SPTBN2: variants seen among roughly 807,000 people sequenced by gnomAD.
The protein encoded by SPTBN2 is spectrin beta chain, non-erythrocytic 2.
SPTBN2 carries 107 observed loss-of-function variants against 284.2 expected under a neutral mutation model. The observed-to-expected ratio is 0.38, with a 90% confidence interval of 0.32 to 0.44. SPTBN2 has a LOEUF of 0.44. SPTBN2 is among the 20% of genes least tolerant of loss of function. The pLI is 1.00. For synonymous variants in SPTBN2, 1,289 were observed against 1,354.8 expected, an observed-to-expected ratio of 0.95 and a Z score of 1.07; for missense variants, 2,569 against 3,287.1, an observed-to-expected ratio of 0.78 and a Z score of 5.34.
Position 66,687,466 on chromosome 11 carries a change from T to A in SPTBN2, c.6683A>T (p.Lys2228Met). 1 of 1,609,726 alleles carries A rather than the reference T, an allele frequency of 6.2e-7. No homozygotes were observed. Residue 2228 changes from lysine (K) to methionine (M), a missense_variant, in exon 35 of 38, where the codon AAG (lysine) becomes ATG (methionine). Around this residue, in one of 6 missense-constraint regions of SPTBN2, gnomAD observed 1,130 missense variants for 1,317.3 expected, o/e 0.86. Coordinates refer to ENST00000533211, the MANE Select transcript of SPTBN2 (RefSeq NM_006946.4). The surrounding 1 kb of genome is among the most constrained non-coding windows in gnomAD (Gnocchi z 5.2). ...QEQMEGMLCR[K>M]QEMEAFGKKA... The stretch of plus-strand genomic sequence containing the variant: ...CTTCCCGAAGGCCTCCATCTCCTGC[T>A]TGCGGCACAGCATCCCCTCCATCTG...
chr11:66,707,924 GT>G lies in SPTBN2; in HGVS notation c.1351-107del. 6.9e-7 allele frequency: 1 copy of G among 1,459,012 alleles called. No homozygotes were observed. The highest frequency in any genetic ancestry group is 9.3e-7 in the Non-Finnish European group (1 of 1,075,008). 90.4% of individuals were successfully genotyped at this position (1,459,012 alleles called of 1,614,324 possible). A position where few individuals can be genotyped will look rare whatever the true frequency, so the allele number is the denominator to read the frequency against. On this transcript the variant is annotated intron_variant, in intron 12 of 37. Transcript: ENST00000533211. This position sits in a 1 kb window ranked among gnomAD's most constrained non-coding sequence, Gnocchi z 4.9. Reference sequence around the variant, plus strand: ...GCCTGCAAGATCCCAGCTCCATGCGGTGGCTCTAAGTTCCCTCTCTATCCCA... The same window carrying G: ...GCCTGCAAGATCCCAGCTCCATGCGGGGCTCTAAGTTCCCTCTCTATCCCA...
chr11:66,724,163 G>A (rs1032312908), intron 1 of SPTBN2, among the ~76,000 whole-genome samples: 3 of 152,236 alleles, frequency 2.0e-5, no homozygotes, highest in Non-Finnish European at 4.4e-5. Context: ...GCTCACGCCT[G>A]TAATCCCAGC....
intron 15 of SPTBN2, among the ~76,000 whole-genome samples, chr11:66,702,259 C>T (rs772472158): frequency 1.3e-5 from 2 of 152,182 alleles, no homozygotes; most frequent in Non-Finnish European, 2.9e-5. Context: ...CTCCGCCTCC[C>T]GGGTTCAAGC....
At chr11:66,686,562 G>C in intron 36 of SPTBN2, 122 bp from the exon 37 acceptor site, 1 of 1,056,366 alleles carries the variant, frequency 9.5e-7, no homozygotes, top group South Asian at 1.3e-5. Context: ...CCTCAGAGCC[G>C]GACCAGACAC....
At chr11:66,726,724 G>C (rs1476885548) in intron 1 of SPTBN2, among the ~76,000 whole-genome samples, 2 of 152,218 alleles carry the variant, frequency 1.3e-5, no homozygotes, top group Non-Finnish European at 2.9e-5. Flanking sequence ...GAACGGCAGA[G>C]CTAGAGAAGT....
intron 1 of SPTBN2, among the ~76,000 whole-genome samples, chr11:66,741,941 C>G (rs893598436): frequency 6.6e-6 from 1 of 152,090 alleles, no homozygotes; most frequent in African/African-American, 2.4e-5. Flanking sequence ...CCACCTCAAC[C>G]TCCCAAGTAG....
At chr11:66,712,092 G>A (rs902541106) in intron 8 of SPTBN2, among the ~76,000 whole-genome samples, 9 of 152,218 alleles carry the variant, frequency 5.9e-5, no homozygotes, top group African/African-American at 2.2e-4. Context: ...CAGGCTGCCT[G>A]AACGCCAATC....
At chr11:66,692,928 C>T (rs775482534) in intron 25 of SPTBN2, 42 bp downstream of exon 25, 12 of 1,598,824 alleles carry the variant, frequency 7.5e-6, no homozygotes, top group Middle Eastern at 2.1e-4. Context: ...TTCCTGCAGC[C>T]GGCTCCACCC....
chr11:66,686,367 C>A (rs759114281), intron 37 of SPTBN2, 31 bp downstream of exon 37: 1 of 1,613,724 alleles, frequency 6.2e-7, no homozygotes. Flanking sequence ...TGGAATGGCA[C>A]GGACAGAGAG....
intron 8 of SPTBN2, chr11:66,713,049 G>A (rs1941957724): frequency 6.4e-6 from 1 of 156,298 alleles, no homozygotes; most frequent in South Asian, 1.9e-4. Flanking sequence ...TTTCAGAAGA[G>A]CCCTTAGAGA....
rs1206472936 is a variant in SPTBN2, at chr11:66,719,056, G to A, written c.157+2028C>T. Among the ~76,000 whole-genome samples the A allele has an allele frequency of 2.6e-5, 4 of 152,248 alleles. No individual in the cohort carries two copies. In the South Asian group the frequency reaches 6.2e-4, roughly 24 times the overall value. The stretch of plus-strand genomic sequence containing the variant: ...TTTCCCAGAGGTTTGCAGGAACAGC[G>A]AGGGCGACCCCTCTCTGGGTGACTC... On this transcript the variant is annotated intron_variant, in intron 3 of 37. Transcript: ENST00000533211.
At chr11:66,744,671 A>G (rs1942945787), upstream of SPTBN2, 3 of 538,590 alleles carry the variant, frequency 5.6e-6, no homozygotes, top group East Asian at 7.4e-5. Context: ...GGGGCCCTGC[A>G]GCGTCGAGTG....
rs762146913 is a variant in SPTBN2, at chr11:66,691,469, C to G, written c.5380G>C (p.Gly1794Arg). Reference protein sequence around the residue: ...ADLLELLDTRGQVLAAAYELQ... With the variant: ...ADLLELLDTRRQVLAAAYELQ... ...TCGTACGCCGCGGCCAGCACCTGACCCCGTGTGTCCAGCAGCTCAAGCAGG... is the reference window on the plus strand; with the variant it reads ...TCGTACGCCGCGGCCAGCACCTGACGCCGTGTGTCCAGCAGCTCAAGCAGG... Residue 1794 changes from glycine to arginine, a missense_variant, in exon 27 of 38, where the codon GGT becomes CGT. By Grantham distance (125) the Gly-to-Arg change is moderately radical (BLOSUM62 -2). This residue lies in a region of SPTBN2 where 1,130 missense variants were observed against 1,317.3 expected (regional missense o/e 0.86). Coordinates refer to ENST00000533211, the MANE Select transcript of SPTBN2 (RefSeq NM_006946.4). This position sits in a 1 kb window ranked among gnomAD's most constrained non-coding sequence, Gnocchi z 8.0. 2 of 1,611,642 alleles carry G rather than the reference C, an allele frequency of 1.2e-6. No individual in the cohort carries two copies. The highest frequency in any genetic ancestry group is 1.3e-5 in the African/African-American group (1 of 74,928).
intron 1 of SPTBN2, among the ~76,000 whole-genome samples, chr11:66,722,291 T>C (rs1366095392): frequency 1.3e-5 from 2 of 152,106 alleles, no homozygotes; most frequent in Non-Finnish European, 2.9e-5. Context: ...AGATATTAAG[T>C]TGGCTGGGCG....
Position 66,714,075 on chromosome 11 carries a change from A to G in SPTBN2, c.656+16T>C, listed in dbSNP as rs1942020038. 1 of 1,613,954 alleles carries G rather than the reference A, an allele frequency of 6.2e-7. No homozygotes were observed. Among genetic ancestry groups the G allele is most frequent in the African/African-American group, 1.3e-5 (1 of 74,930 alleles). ...ACCCAGCAGCTCTGCTGCGTTTGCTAACCCCATCTTCTCACCGGTGTTTAT... is the reference window on the plus strand; with the variant it reads ...ACCCAGCAGCTCTGCTGCGTTTGCTGACCCCATCTTCTCACCGGTGTTTAT... On this transcript the variant is annotated intron_variant, in intron 7 of 37. Transcript: ENST00000533211.
At position 66,685,951 on chromosome 11, in the gene SPTBN2, C is replaced by T; in HGVS notation, c.7093G>A (p.Gly2365Arg). Reference protein sequence around the residue: ...MPPVSPVGAEGPVVLRSKDGR... With the variant: ...MPPVSPVGAERPVVLRSKDGR... ...TCTTTGCTGCGGAGCACAACAGGCC[C>T]CTCAGCCCCGACGGGTGACACTGGG... The change falls in exon 38 of 38, where the codon GGG (glycine) becomes AGG (arginine). Residue 2365 changes from glycine (G) to arginine (R), a missense_variant. Gly to Arg is a moderately radical substitution (Grantham distance 125). Transcript: ENST00000533211. The surrounding 1 kb of genome is among the most constrained non-coding windows in gnomAD (Gnocchi z 4.4). 1.9e-6 allele frequency: 3 copies of T among 1,613,934 alleles called. No homozygotes were observed. Among genetic ancestry groups the T allele is most frequent in the Non-Finnish European group, 2.5e-6 (3 of 1,180,034 alleles).
In SPTBN2 at chr11:66,694,290, T is replaced by C. The variant is rs1376645366; in HGVS notation, c.4352A>G (p.Gln1451Arg). The change falls in exon 22 of 38, where the codon CAG becomes CGG. Residue 1451 changes from glutamine (Q) to arginine (R), a missense_variant. By Grantham distance (43) the Gln-to-Arg change is conservative. Around this residue, in one of 6 missense-constraint regions of SPTBN2, gnomAD observed 1,130 missense variants for 1,317.3 expected, o/e 0.86. Transcript: ENST00000533211. ...CACCTCCCCTGCACCCTGGTCCTCC[T>C]GGGCCAGTGCTTTGGCCTGGGCCTG... is the stretch of plus-strand genomic sequence containing the variant. The part of the protein sequence containing the change: ...AIQAQAKALA[Q>R]EDQGAGEVER... 1 of 1,614,236 alleles carries C rather than the reference T, an allele frequency of 6.2e-7. No individual in the cohort carries two copies. The highest frequency in any genetic ancestry group is 1.7e-5 in the Admixed American group (1 of 60,030).
chr11:66,691,938 G>A lies in SPTBN2; in HGVS notation c.5191-280C>T, dbSNP rs961732474. Reference sequence around the variant, plus strand: ...CTAACTATGGTCCATATTTCTGTACGACTGAGGGTCCAAGCCCCCAAACTG... The same window carrying A: ...CTAACTATGGTCCATATTTCTGTACAACTGAGGGTCCAAGCCCCCAAACTG... On this transcript the variant is annotated intron_variant, in intron 26 of 37. Transcript: ENST00000533211. This position sits in a 1 kb window ranked among gnomAD's most constrained non-coding sequence, Gnocchi z 8.0. 6.6e-5 allele frequency among the ~76,000 whole-genome samples: 10 copies of A among 152,242 alleles called. No homozygotes were observed. The South Asian group carries it at 1.2e-3, about 19-fold the overall frequency.
Position 66,700,564 on chromosome 11 carries a change from G to A in SPTBN2, c.3535C>T (p.Arg1179Trp), listed in dbSNP as rs764276089. The change falls in exon 17 of 38, where the codon CGG becomes TGG. Residue 1179 changes from arginine to tryptophan, a missense_variant. Arg to Trp is a moderately radical substitution (Grantham distance 101, BLOSUM62 -3). Around this residue, in one of 6 missense-constraint regions of SPTBN2, gnomAD observed 1,012 missense variants for 1,248.9 expected, o/e 0.81. Transcript: ENST00000533211. The surrounding 1 kb of genome is among the most constrained non-coding windows in gnomAD (Gnocchi z 6.6). ...ACGCCCTCAGCCTGACGAGCATCCC[G>A]CAGGAATCCCTGGAAGCCGTGGGCC... ...AQAHGFQGFL[R>W]DARQAEGVLS... 1.9e-6 allele frequency: 3 copies of A among 1,606,862 alleles called. No homozygotes were observed. Among genetic ancestry groups the A allele is most frequent in the South Asian group, 1.1e-5 (1 of 91,080 alleles).
Sources: allele counts gnomAD v4.1 joint callset (sites outside exome capture counted in the v4.1 genomes callset), GRCh38; gene constraint gnomAD v4.1.1; regional missense constraint gnomAD v4.1.1; non-coding constraint Gnocchi (gnomAD v3.1); transcripts MANE v1.5; gene names NCBI Gene and HGNC (gene_info 2026-07-23, HGNC 2026-07-21).